CCSER1: variants seen among roughly 807,000 people sequenced by gnomAD.
CCSER1 encodes coiled-coil serine rich protein 1.
CCSER1 carries 41 observed loss-of-function variants against 82.0 expected under a neutral mutation model. The ratio of observed to expected loss-of-function variants is 0.50; its 90% CI spans 0.39 to 0.65. The LOEUF (loss-of-function observed/expected upper bound fraction) is 0.65. Among genes scored for constraint, CCSER1 ranks in the 30% least tolerant of loss-of-function variants. The pLI, the probability that CCSER1 is intolerant of heterozygous loss-of-function variation, is 0.00. For synonymous variants in CCSER1, 414 were observed against 383.9 expected (o/e 1.08, Z -0.92); for missense variants, 1,119 against 1,064.2 (o/e 1.05, Z -0.72).
At chr4:91,495,046 T>G (rs1758730786) in intron 10 of CCSER1, among the ~76,000 whole-genome samples, 2 of 151,644 alleles carry the variant, frequency 1.3e-5, no homozygotes, top group Non-Finnish European at 3.0e-5. Flanking sequence ...TAGCAAAATG[T>G]GGGGAGTTAA....
chr4:91,049,536 T>A (rs1333490505), intron 9 of CCSER1, among the ~76,000 whole-genome samples: 2 of 152,228 alleles, frequency 1.3e-5, no homozygotes, highest in Non-Finnish European at 2.9e-5. Flanking sequence ...TGGTCATTCT[T>A]ATTTTTTGTT....
chr4:91,555,464 A>G (rs1465526024), intron 10 of CCSER1, among the ~76,000 whole-genome samples: 3 of 151,128 alleles, frequency 2.0e-5, no homozygotes, highest in Non-Finnish European at 1.5e-5. Flanking sequence ...CCCGGCACAT[A>G]GTAATCAATC....
intron 10 of CCSER1, among the ~76,000 whole-genome samples, chr4:91,349,728 T>G (rs1444531289): frequency 1.3e-5 from 2 of 150,954 alleles, no homozygotes. Context: ...TCCTCTCAGG[T>G]TTTCACTGAG....
intron 10 of CCSER1, among the ~76,000 whole-genome samples, chr4:91,579,875 T>C (rs559483979): frequency 6.6e-6 from 1 of 151,912 alleles, no homozygotes; most frequent in Admixed American, 6.6e-5. Context: ...TAACACATAA[T>C]AAATGGCAAG....
chr4:91,477,814 C>A (rs1377891532), intron 10 of CCSER1, among the ~76,000 whole-genome samples: 1 of 151,692 alleles, frequency 6.6e-6, no homozygotes, highest in African/African-American at 2.4e-5. Flanking sequence ...ACCAAATCAA[C>A]AATGGCTTGG....
intron 10 of CCSER1, among the ~76,000 whole-genome samples, chr4:91,405,309 G>C (rs576287020): frequency 1.9e-4 from 29 of 151,398 alleles, no homozygotes; most frequent in South Asian, 4.2e-4. Flanking sequence ...AAAATTAATT[G>C]AAGATGGATT....
At chr4:90,667,915 A>G (rs1052632081) in intron 6 of CCSER1, among the ~76,000 whole-genome samples, 1 of 152,182 alleles carries the variant, frequency 6.6e-6, no homozygotes, top group African/African-American at 2.4e-5. Flanking sequence ...AATCTATGCT[A>G]AACTTAATAA....
At chr4:90,777,272 G>A (rs998521114) in intron 7 of CCSER1, among the ~76,000 whole-genome samples, 2 of 142,642 alleles carry the variant, frequency 1.4e-5, no homozygotes, top group African/African-American at 2.7e-5. Flanking sequence ...CAGGAGAATC[G>A]CTTGAACCTG....
chr4:91,263,016 A>G (rs1741311826), intron 10 of CCSER1, among the ~76,000 whole-genome samples: 1 of 152,046 alleles, frequency 6.6e-6, no homozygotes, highest in Non-Finnish European at 1.5e-5. Flanking sequence ...CATCTGTAAA[A>G]TAGGAGTAAT....
At chr4:91,541,269 T>A (rs1163404900) in intron 10 of CCSER1, among the ~76,000 whole-genome samples, 1 of 152,218 alleles carries the variant, frequency 6.6e-6, no homozygotes, top group Non-Finnish European at 1.5e-5. Flanking sequence ...AGGGTACATG[T>A]GCACAACGTG....
chr4:90,695,293 A>T (rs1278932008), intron 6 of CCSER1, among the ~76,000 whole-genome samples: 1 of 151,912 alleles, frequency 6.6e-6, no homozygotes, highest in Non-Finnish European at 1.5e-5. Flanking sequence ...GGGACTAAAG[A>T]AGTTTTAAAA....
At chr4:90,563,945 C>G (rs1238188259) in intron 5 of CCSER1, among the ~76,000 whole-genome samples, 4 of 152,090 alleles carry the variant, frequency 2.6e-5, no homozygotes, top group Non-Finnish European at 5.9e-5. Flanking sequence ...TTACCAACTC[C>G]TTTTAGCCTT....
In CCSER1 at chr4:91,094,972, C is replaced by T. The variant is rs141112582; in HGVS notation, c.2217+8978C>T. On this transcript the variant is annotated intron_variant, in intron 10 of 10. Transcript: ENST00000509176. Reference sequence around the variant, plus strand: ...CAGAAATTGATGAGTCACTTTATGTCCTCCCACTGAGCAGGTCCAAGGTAG... The same window carrying T: ...CAGAAATTGATGAGTCACTTTATGTTCTCCCACTGAGCAGGTCCAAGGTAG... Among the ~76,000 whole-genome samples the T allele has an allele frequency of 6.1e-3, 926 of 152,250 alleles. 9 individuals carry two copies. The highest frequency in any genetic ancestry group is 0.021 in the African/African-American group (871 of 41,550).
chr4:90,874,536 T>C (rs1338630061), intron 8 of CCSER1, among the ~76,000 whole-genome samples: 1 of 152,130 alleles, frequency 6.6e-6, no homozygotes, highest in Non-Finnish European at 1.5e-5. Flanking sequence ...CCAGCTGCTG[T>C]TTTTCCCTCC....
rs1224734719 is a variant in CCSER1, at chr4:90,628,176, C to T, written c.1876C>T (p.Gln626Ter). ...TTCTCTGCCATTCAGACTGATGTTA[C>T]AGGACTGCACGGCAGTCAAGACGTT... ...IDSLPFRLML[Q>*]DCTAVKTLLL... The change falls in exon 6 of 11, where the codon CAG (glutamine) becomes TAG (stop). Residue 626 changes from glutamine to a stop codon, truncating the protein, a stop_gained. Transcript: ENST00000509176. LOFTEE classifies it high-confidence loss of function. 2.5e-6 allele frequency: 4 copies of T among 1,613,874 alleles called. No homozygotes were observed. Among genetic ancestry groups the T allele is most frequent in the Non-Finnish European group, 3.4e-6 (4 of 1,179,840 alleles).
chr4:91,185,126 C>G (rs1275143051), intron 10 of CCSER1, among the ~76,000 whole-genome samples: 2 of 152,196 alleles, frequency 1.3e-5, no homozygotes, highest in Non-Finnish European at 2.9e-5. Context: ...ATTTCTTTCC[C>G]TGAATAGTTA....
intron 9 of CCSER1, among the ~76,000 whole-genome samples, chr4:90,989,764 T>C (rs1422757627): frequency 2.0e-5 from 3 of 151,734 alleles, no homozygotes; most frequent in African/African-American, 7.3e-5. Context: ...CCTGAGTGAC[T>C]CTAATCTTTA....
At chr4:90,692,139 A>T (rs1736125991) in intron 6 of CCSER1, among the ~76,000 whole-genome samples, 2 of 150,572 alleles carry the variant, frequency 1.3e-5, no homozygotes, top group Non-Finnish European at 3.0e-5. Context: ...GGTATTTCTC[A>T]TTCACAAATC....
chr4:91,095,231 A>T (rs1300753303), intron 10 of CCSER1, among the ~76,000 whole-genome samples: 1 of 152,088 alleles, frequency 6.6e-6, no homozygotes, highest in Non-Finnish European at 1.5e-5. Context: ...CTTCGTCTTT[A>T]TCTGTGGTCT....
Sources: allele counts gnomAD v4.1 joint callset (sites outside exome capture counted in the v4.1 genomes callset), GRCh38; gene constraint gnomAD v4.1.1; transcripts MANE v1.5; gene names NCBI Gene and HGNC (gene_info 2026-07-23, HGNC 2026-07-21).